Variants in CTNNA3 observed in about 807,000 individuals in gnomAD.
CTNNA3 encodes catenin alpha-3.
In CTNNA3, 76 loss-of-function variants were observed where a neutral mutation model predicts 95.7. The ratio of observed to expected loss-of-function variants is 0.79; its 90% CI spans 0.66 to 0.96. The LOEUF (loss-of-function observed/expected upper bound fraction) is 0.96. Among genes scored for constraint, CTNNA3 ranks in the 40% least tolerant of loss-of-function variants. The pLI, the probability that CTNNA3 is intolerant of heterozygous loss-of-function variation, is 0.00. For synonymous variants in CTNNA3, 431 were observed against 374.4 expected, an observed-to-expected ratio of 1.15 and a Z score of -1.74; for missense variants, 1,191 against 1,089.8, an observed-to-expected ratio of 1.09 and a Z score of -1.31.
intron 9 of CTNNA3, among the ~76,000 whole-genome samples, chr10:66,754,056 G>C (rs1839271846): frequency 6.6e-6 from 1 of 152,040 alleles, no homozygotes; most frequent in South Asian, 2.1e-4. Context: ...AAATACAAGG[G>C]ACCTATAAAA....
intron 1 of CTNNA3, among the ~76,000 whole-genome samples, chr10:67,691,064 G>T (rs1054049183): frequency 6.6e-6 from 1 of 152,196 alleles, no homozygotes; most frequent in Non-Finnish European, 1.5e-5. Flanking sequence ...ACTGGTTTTC[G>T]TATTTTTTTG....
intron 7 of CTNNA3, among the ~76,000 whole-genome samples, chr10:67,058,570 A>G (rs1184874074): frequency 6.6e-6 from 1 of 152,126 alleles, no homozygotes; most frequent in Non-Finnish European, 1.5e-5. Flanking sequence ...CCCTCCTCAC[A>G]AGGTATCATT....
At chr10:67,555,572 T>C (rs533855585) in intron 3 of CTNNA3, among the ~76,000 whole-genome samples, 5 of 152,332 alleles carry the variant, frequency 3.3e-5, no homozygotes, top group South Asian at 2.1e-4. Context: ...TATTGGTATA[T>C]AGGAATGCTT....
At chr10:67,226,547 A>G (rs2132284020) in intron 5 of CTNNA3, among the ~76,000 whole-genome samples, 1 of 152,354 alleles carries the variant, frequency 6.6e-6, no homozygotes, top group African/African-American at 2.4e-5. Flanking sequence ...CCTACAAGTA[A>G]GAAGCAATTG....
intron 14 of CTNNA3, 56 bp from the exon 15 acceptor site, chr10:66,069,545 G>A: frequency 7.5e-7 from 1 of 1,331,764 alleles, no homozygotes; most frequent in Non-Finnish European, 1.0e-6. Context: ...AAGCATTTTA[G>A]GAATAAGTAG....
intron 16 of CTNNA3, among the ~76,000 whole-genome samples, chr10:65,985,017 A>C (rs549744485): frequency 6.9e-6 from 1 of 145,470 alleles, no homozygotes; most frequent in Non-Finnish European, 1.5e-5. Flanking sequence ...ATTTTATAAT[A>C]ATTAAAGTAA....
In CTNNA3 at chr10:66,618,571, A is replaced by C. The variant is rs529068771; in HGVS notation, c.1374+3121T>G. Among the ~76,000 whole-genome samples the C allele has an allele frequency of 1.4e-4, 22 of 152,316 alleles. 1 individual carries two copies. Among genetic ancestry groups the C allele is most frequent in the Non-Finnish European group, 2.5e-4 (17 of 68,038 alleles). On this transcript the variant is annotated intron_variant, in intron 10 of 17. Coordinates refer to ENST00000433211, the MANE Select transcript of CTNNA3 (RefSeq NM_013266.4). Reference sequence around the variant, plus strand: ...TACAAAAATTAATTCAAGAAGGATTAAAGACTTAAACGTTAGACCTAAAAC... The same window carrying C: ...TACAAAAATTAATTCAAGAAGGATTCAAGACTTAAACGTTAGACCTAAAAC...
chr10:66,443,426 C>T (rs1414526825), intron 11 of CTNNA3, among the ~76,000 whole-genome samples: 3 of 152,048 alleles, frequency 2.0e-5, no homozygotes, highest in African/African-American at 7.2e-5. Context: ...CAGACTGACA[C>T]CTCACACGGC....
chr10:67,164,712 A>G (rs1460276988), intron 7 of CTNNA3, among the ~76,000 whole-genome samples: 1 of 152,208 alleles, frequency 6.6e-6, no homozygotes, highest in African/African-American at 2.4e-5. Flanking sequence ...AAAAAATCCT[A>G]TTAGAAAATA....
At chr10:66,341,695 C>A (rs2092454460) in intron 12 of CTNNA3, among the ~76,000 whole-genome samples, 1 of 151,866 alleles carries the variant, frequency 6.6e-6, no homozygotes, top group Non-Finnish European at 1.5e-5. Flanking sequence ...CATTAAAATG[C>A]ATCACTACTT....
intron 13 of CTNNA3, among the ~76,000 whole-genome samples, chr10:66,178,044 T>C (rs1455098429): frequency 6.6e-6 from 1 of 151,860 alleles, no homozygotes; most frequent in African/African-American, 2.4e-5. Flanking sequence ...TTTTTAATGA[T>C]ATGATACTGG....
intron 7 of CTNNA3, among the ~76,000 whole-genome samples, chr10:67,092,147 G>C (rs1477629067): frequency 1.3e-5 from 2 of 151,882 alleles, no homozygotes; most frequent in East Asian, 3.9e-4. Context: ...TTCACTGTAT[G>C]CAGATGATCA....
At chr10:67,375,596 C>G (rs1843657617) in intron 5 of CTNNA3, among the ~76,000 whole-genome samples, 4 of 151,590 alleles carry the variant, frequency 2.6e-5, no homozygotes, top group Admixed American at 2.6e-4. Flanking sequence ...GAGCAAGACT[C>G]TGTCTCAAAA....
At chr10:67,750,266 A>G in intron 1 of CTNNA3, 2 of 1,510,384 alleles carry the variant, frequency 1.3e-6, no homozygotes, top group South Asian at 2.2e-5. Flanking sequence ...CTCACTCAGA[A>G]TCATTTCTGC....
chr10:67,662,665 A>C (rs1225642304), intron 1 of CTNNA3, among the ~76,000 whole-genome samples: 1 of 152,260 alleles, frequency 6.6e-6, no homozygotes, highest in African/African-American at 2.4e-5. Flanking sequence ...ATACAGGGAC[A>C]AAAAACAGAT....
intron 5 of CTNNA3, among the ~76,000 whole-genome samples, chr10:67,386,832 A>G (rs558299323): frequency 6.6e-6 from 1 of 152,332 alleles, no homozygotes; most frequent in East Asian, 1.9e-4. Context: ...TTGGCCATGC[A>G]CATTAACATG....
At chr10:67,643,183 G>C (rs1465215278) in intron 2 of CTNNA3, among the ~76,000 whole-genome samples, 1 of 152,148 alleles carries the variant, frequency 6.6e-6, no homozygotes, top group Non-Finnish European at 1.5e-5. Flanking sequence ...GACATGGATG[G>C]AGTTGGAAGT....
chr10:66,588,086 C>A (rs931167690), intron 10 of CTNNA3, among the ~76,000 whole-genome samples: 1 of 152,076 alleles, frequency 6.6e-6, no homozygotes, highest in Non-Finnish European at 1.5e-5. Flanking sequence ...TCTGTCCTTG[C>A]TGGAGTGTGA....
intron 1 of CTNNA3, among the ~76,000 whole-genome samples, chr10:67,692,010 C>A (rs1253470325): frequency 2.7e-5 from 4 of 148,486 alleles, no homozygotes; most frequent in Non-Finnish European, 6.0e-5. Flanking sequence ...CCCGGCCGCC[C>A]CTACTGGGAA....
Sources: allele counts gnomAD v4.1 joint callset (sites outside exome capture counted in the v4.1 genomes callset), GRCh38; gene constraint gnomAD v4.1.1; transcripts MANE v1.5; gene names NCBI Gene and HGNC (gene_info 2026-07-23, HGNC 2026-07-21).